Variants in FSTL5 observed in about 807,000 individuals in gnomAD.
FSTL5 encodes follistatin-related protein 5.
A neutral mutation model predicts 89.1 loss-of-function variants in FSTL5; 62 were observed. The observed-to-expected ratio is 0.70, with a 90% CI of 0.57 to 0.86. The LOEUF (loss-of-function observed/expected upper bound fraction) is 0.86. FSTL5 is among the 40% of genes least tolerant of loss of function. The probability of loss-of-function intolerance (pLI) is 0.00; values close to 1 mark genes in which losing one functional copy is unlikely to be tolerated. For synonymous variants in FSTL5, 383 were observed against 346.2 expected (o/e 1.11, Z -1.18); for missense variants, 1,057 against 1,001.6 (o/e 1.06, Z -0.75).
intron 2 of FSTL5, among the ~76,000 whole-genome samples, chr4:162,046,686 G>A (rs1264849986): frequency 6.6e-6 from 1 of 151,966 alleles, no homozygotes; most frequent in East Asian, 1.9e-4. Flanking sequence ...GATAAATAAT[G>A]ATGATTTTTA....
intron 4 of FSTL5, among the ~76,000 whole-genome samples, chr4:161,871,246 T>C (rs777587735): frequency 2.6e-5 from 4 of 152,118 alleles, no homozygotes; most frequent in Non-Finnish European, 4.4e-5. Flanking sequence ...ATAGTTAACA[T>C]AGAACATAAC....
At position 161,385,218 on chromosome 4, in the gene FSTL5, TTA is replaced by T. The variant is rs1730574233; in HGVS notation, c.*527_*528del. ...TTTTTTAACAACAAGAGATTTATAG[TTA>T]TGAGAGCATTTAGTATGCAGGCTTT... On this transcript the variant is annotated 3_prime_UTR_variant, in exon 16 of 16. Coordinates refer to ENST00000306100, the MANE Select transcript of FSTL5 (RefSeq NM_020116.5). 1 of 153,466 alleles carries T rather than the reference TTA, an allele frequency of 6.5e-6. No individual in the cohort carries two copies. The highest frequency in any genetic ancestry group is 2.4e-5 in the African/African-American group (1 of 41,452). The allele number at this position is 153,466 out of a possible 1,614,324, so 9.5% of individuals were successfully genotyped here.
Position 161,587,498 on chromosome 4 carries a change from A to G in FSTL5, c.972T>C (p.Asp324=), listed in dbSNP as rs889762372. Residue 324 remains aspartate (D), a synonymous_variant, in exon 8 of 16, where the codon GAT becomes GAC. Transcript: ENST00000306100. The stretch of plus-strand genomic sequence containing the variant: ...GAGTCTGATAGACTTGTTCATAGCC[A>G]TCTGCATAGCAGGTGTAATTGCCAA... ...THVGNYTCYA[D]GYEQVYQTHI... 1.9e-6 allele frequency: 3 copies of G among 1,613,210 alleles called. No individual in the cohort carries two copies. Among genetic ancestry groups the G allele is most frequent in the South Asian group, 1.1e-5 (1 of 91,054 alleles).
rs914102540 is a variant in FSTL5, at chr4:161,516,246, A to G, written c.1313-5822T>C. ...TTTCTATTAGGGTATTGTAATATATATATTTTACATTTTTAACAGCTGCTT... is the reference window on the plus strand; with the variant it reads ...TTTCTATTAGGGTATTGTAATATATGTATTTTACATTTTTAACAGCTGCTT... On this transcript the variant is annotated intron_variant, in intron 10 of 15. Coordinates refer to ENST00000306100, the MANE Select transcript of FSTL5 (RefSeq NM_020116.5). Among the ~76,000 whole-genome samples the G allele has an allele frequency of 2.7e-5, 4 of 149,080 alleles. No homozygotes were observed. In the Admixed American group the frequency reaches 2.7e-4, roughly 10 times the overall value.
intron 4 of FSTL5, among the ~76,000 whole-genome samples, chr4:161,805,270 C>A (rs953495778): frequency 1.3e-5 from 2 of 152,034 alleles, no homozygotes; most frequent in African/African-American, 2.4e-5. Flanking sequence ...GAAACAACAA[C>A]TAAGAAATAA....
At chr4:161,917,216 A>G (rs1335522240) in intron 4 of FSTL5, among the ~76,000 whole-genome samples, 3 of 152,132 alleles carry the variant, frequency 2.0e-5, no homozygotes, top group Non-Finnish European at 4.4e-5. Flanking sequence ...TCGGCCTCCC[A>G]AAGTCCTGGG....
At chr4:161,615,683 C>T (rs1004057037) in intron 7 of FSTL5, among the ~76,000 whole-genome samples, 6 of 151,710 alleles carry the variant, frequency 4.0e-5, no homozygotes, top group Non-Finnish European at 7.4e-5. Context: ...GTTTTATTTC[C>T]CACAAAAACA....
intron 15 of FSTL5, among the ~76,000 whole-genome samples, chr4:161,419,341 A>G (rs1201066533): frequency 1.3e-5 from 2 of 152,144 alleles, no homozygotes; most frequent in Non-Finnish European, 2.9e-5. Flanking sequence ...TTTCCTACCA[A>G]TTACATATGT....
chr4:161,660,715 A>T (rs1420848888), intron 6 of FSTL5, among the ~76,000 whole-genome samples: 1 of 152,064 alleles, frequency 6.6e-6, no homozygotes, highest in Non-Finnish European at 1.5e-5. Flanking sequence ...ATAAGTGAGA[A>T]TATGTGGTAT....
chr4:161,578,049 A>T (rs1428441034), intron 8 of FSTL5, among the ~76,000 whole-genome samples: 24 of 152,100 alleles, frequency 1.6e-4, no homozygotes. Context: ...CGGCAAATCT[A>T]TCCTCTCAAC....
chr4:162,039,952 TG>T (rs1408449873), intron 2 of FSTL5, among the ~76,000 whole-genome samples: 1 of 152,032 alleles, frequency 6.6e-6, no homozygotes, highest in African/African-American at 2.4e-5. Flanking sequence ...TGTGAGTAGG[TG>T]ATTTTAAACT....
intron 4 of FSTL5, among the ~76,000 whole-genome samples, chr4:161,899,987 G>A (rs1234550763): frequency 6.6e-6 from 1 of 152,056 alleles, no homozygotes; most frequent in Non-Finnish European, 1.5e-5. Flanking sequence ...CTGAGGTCAG[G>A]GGTTCGAGAA....
intron 4 of FSTL5, among the ~76,000 whole-genome samples, chr4:161,818,163 C>G (rs576887727): frequency 1.3e-5 from 2 of 152,264 alleles, no homozygotes; most frequent in South Asian, 4.2e-4. Context: ...CAACGACAGG[C>G]ACCAGCACAC....
chr4:161,613,671 G>A (rs560373963), intron 7 of FSTL5, among the ~76,000 whole-genome samples: 5 of 152,002 alleles, frequency 3.3e-5, no homozygotes, highest in African/African-American at 9.7e-5. Context: ...AAAAAGTCTC[G>A]TTACATTTCA....
intron 6 of FSTL5, among the ~76,000 whole-genome samples, chr4:161,663,098 C>G (rs1426209231): frequency 6.6e-6 from 1 of 152,112 alleles, no homozygotes; most frequent in East Asian, 1.9e-4. Context: ...CTGGGTCCCT[C>G]CTACAACACA....
intron 6 of FSTL5, among the ~76,000 whole-genome samples, chr4:161,757,780 G>A (rs959843904): frequency 6.6e-6 from 1 of 151,694 alleles, no homozygotes; most frequent in Admixed American, 6.6e-5. Flanking sequence ...CACCAAGCCC[G>A]ACTAATTTTT....
chr4:161,591,543 A>G (rs1733822299), intron 7 of FSTL5, among the ~76,000 whole-genome samples: 1 of 152,208 alleles, frequency 6.6e-6, no homozygotes, highest in African/African-American at 2.4e-5. Flanking sequence ...ATATGCCATA[A>G]TAAAACTATA....
chr4:161,600,865 A>C (rs942791503), intron 7 of FSTL5, among the ~76,000 whole-genome samples: 1 of 151,708 alleles, frequency 6.6e-6, no homozygotes, highest in South Asian at 2.1e-4. Context: ...GAAGCTAAAT[A>C]ATCTACACAA....
At chr4:162,091,594 T>C (rs1347952697) in intron 2 of FSTL5, among the ~76,000 whole-genome samples, 1 of 152,164 alleles carries the variant, frequency 6.6e-6, no homozygotes, top group Non-Finnish European at 1.5e-5. Context: ...AGAAGTTCTA[T>C]TCTTATTACT....
Sources: allele counts gnomAD v4.1 joint callset (sites outside exome capture counted in the v4.1 genomes callset), GRCh38; gene constraint gnomAD v4.1.1; transcripts MANE v1.5; gene names NCBI Gene and HGNC (gene_info 2026-07-23, HGNC 2026-07-21).